The following ZFHX3 variants were observed in gnomAD, a reference collection of about 807,000 sequenced individuals.
ZFHX3 encodes zinc finger homeobox protein 3.
A neutral mutation model predicts 279.1 loss-of-function variants in ZFHX3; 42 were observed. The observed-to-expected ratio is 0.15, with a 90% confidence interval of 0.12 to 0.19. The LOEUF is 0.19. Ranked by LOEUF, ZFHX3 falls within the 10% of genes least tolerant of loss-of-function variation. ZFHX3 has a pLI of 1.00. For missense variants in ZFHX3, 4,981 were observed against 4,754.0 expected (o/e 1.05, Z -1.40); for synonymous variants, 2,293 against 1,957.8 (o/e 1.17, Z -4.52).
At chr16:73,785,933 C>T (rs747306110) in intron 1 of ZFHX3, among the ~76,000 whole-genome samples, 1 of 151,876 alleles carries the variant, frequency 6.6e-6, no homozygotes, top group Non-Finnish European at 1.5e-5. Flanking sequence ...TGCAATGGTG[C>T]GATCTTGGCT....
intron 1 of ZFHX3, among the ~76,000 whole-genome samples, chr16:73,795,916 C>T (rs2142320136): frequency 6.6e-6 from 1 of 152,254 alleles, no homozygotes; most frequent in Admixed American, 6.5e-5. Flanking sequence ...TATAAAATTG[C>T]TGATATTTCA....
intron 3 of ZFHX3, among the ~76,000 whole-genome samples, chr16:72,936,004 G>A (rs746768882): frequency 1.3e-5 from 2 of 152,180 alleles, no homozygotes; most frequent in South Asian, 2.1e-4. Flanking sequence ...GGACAGAGCC[G>A]AAACTCACGG....
chr16:73,577,461 T>A (rs1383954093), intron 2 of ZFHX3, among the ~76,000 whole-genome samples: 1 of 152,212 alleles, frequency 6.6e-6, no homozygotes, highest in Non-Finnish European at 1.5e-5. Flanking sequence ...TCAAAATATA[T>A]AAAGTTACAT....
At chr16:73,374,452 T>A (rs2016687289) in intron 3 of ZFHX3, among the ~76,000 whole-genome samples, 1 of 152,184 alleles carries the variant, frequency 6.6e-6, no homozygotes, top group South Asian at 2.1e-4. Context: ...TTGAAACAAA[T>A]CTCAGACTTA....
intron 5 of ZFHX3, among the ~76,000 whole-genome samples, chr16:73,192,851 G>A (rs1278253464): frequency 6.6e-6 from 1 of 152,118 alleles, no homozygotes; most frequent in Non-Finnish European, 1.5e-5. Context: ...TGTCTCCTTG[G>A]GCGATCGACT....
chr16:73,546,797 C>T (rs1011664654), intron 2 of ZFHX3, among the ~76,000 whole-genome samples: 5 of 150,556 alleles, frequency 3.3e-5, no homozygotes, highest in African/African-American at 4.9e-5. Context: ...GGGAAATGAC[C>T]ACAGCAAATT....
chr16:73,476,598 T>C (rs1225559239), intron 2 of ZFHX3, among the ~76,000 whole-genome samples: 1 of 152,212 alleles, frequency 6.6e-6, no homozygotes, highest in Non-Finnish European at 1.5e-5. Context: ...TGATTTAACA[T>C]TGCAGCAAGT....
intron 7 of ZFHX3, among the ~76,000 whole-genome samples, chr16:73,107,612 G>A (rs545258511): frequency 1.1e-3 from 163 of 152,304 alleles, no homozygotes; most frequent in African/African-American, 3.8e-3. Flanking sequence ...GTTCTGTAGC[G>A]TAGCTCCTAT....
At chr16:72,876,505 G>A (rs926469162) in intron 4 of ZFHX3, among the ~76,000 whole-genome samples, 9 of 151,960 alleles carry the variant, frequency 5.9e-5, no homozygotes, top group South Asian at 2.1e-4. Flanking sequence ...GGCATCGCCC[G>A]TTGGAAAGTT....
At chr16:73,642,503 T>G (rs529486250) in intron 2 of ZFHX3, among the ~76,000 whole-genome samples, 64 of 152,310 alleles carry the variant, frequency 4.2e-4, no homozygotes, top group African/African-American at 1.2e-3. Context: ...ATAAAGCAAT[T>G]TGATCACGCA....
chr16:73,658,793 G>A (rs1335445604), intron 2 of ZFHX3, among the ~76,000 whole-genome samples: 1 of 152,040 alleles, frequency 6.6e-6, no homozygotes, highest in East Asian at 1.9e-4. Flanking sequence ...TTCTTAAAAG[G>A]TATTCTGTAA....
chr16:73,454,904 TAAAAA>T (rs57645704), intron 3 of ZFHX3, among the ~76,000 whole-genome samples: 1 of 142,502 alleles, frequency 7.0e-6, no homozygotes, highest in African/African-American at 2.5e-5. Flanking sequence ...ATAAGACAGT[TAAAAA>T]AAAAAAAAAC....
At chr16:73,724,623 T>C (rs12443917) in intron 1 of ZFHX3, among the ~76,000 whole-genome samples, 7,363 of 152,298 alleles carry the variant, frequency 0.048, 237 homozygotes, top group Middle Eastern at 0.11. Flanking sequence ...GATAGAATTT[T>C]AGGGAACTAT....
At chr16:72,923,273 A>G (rs1197641601) in intron 3 of ZFHX3, among the ~76,000 whole-genome samples, 3 of 152,088 alleles carry the variant, frequency 2.0e-5, no homozygotes, top group Non-Finnish European at 4.4e-5. Flanking sequence ...GCGAAAGCCC[A>G]TCTCTACAAA....
intron 1 of ZFHX3, among the ~76,000 whole-genome samples, chr16:73,742,466 A>T (rs1443513761): frequency 6.6e-6 from 1 of 152,218 alleles, no homozygotes; most frequent in African/African-American, 2.4e-5. Context: ...TTTAGAAGAT[A>T]ACTGGATGGG....
chr16:73,669,117 G>A (rs927071303), intron 2 of ZFHX3, among the ~76,000 whole-genome samples: 6 of 149,736 alleles, frequency 4.0e-5, no homozygotes, highest in East Asian at 2.0e-4. Context: ...GCAGTGGTGC[G>A]ATCTGGGCTC....
At chr16:73,422,429 C>A (rs1320873737) in intron 3 of ZFHX3, among the ~76,000 whole-genome samples, 1 of 152,162 alleles carries the variant, frequency 6.6e-6, no homozygotes, top group Non-Finnish European at 1.5e-5. Flanking sequence ...CAGGGGCCAC[C>A]CTGTCTATCC....
At chr16:73,038,461 C>G (rs1181174594) in intron 1 of ZFHX3, among the ~76,000 whole-genome samples, 2 of 152,196 alleles carry the variant, frequency 1.3e-5, no homozygotes. Flanking sequence ...TGCAAAGGCC[C>G]AGAATCATCT....
rs76662436 is a variant in ZFHX3 at position 73,875,410 on chromosome 16, G to T, written c.-1608+16241C>A. 5.2e-3 allele frequency among the ~76,000 whole-genome samples: 793 copies of T among 152,162 alleles called. 8 individuals carry two copies. The highest frequency in any genetic ancestry group is 0.018 in the African/African-American group (734 of 41,520). The stretch of plus-strand genomic sequence containing the variant: ...TGATTATTGTTATAAATCTTATCAA[G>T]CATAAAGGCATTAAAGTATATTCTG... On this transcript the variant is annotated intron_variant, in intron 1 of 17. Transcript: ENST00000641206.
Sources: allele counts gnomAD v4.1 joint callset (sites outside exome capture counted in the v4.1 genomes callset), GRCh38; gene constraint gnomAD v4.1.1; transcripts MANE v1.5; gene names NCBI Gene and HGNC (gene_info 2026-07-23, HGNC 2026-07-21).